The following TFDP2 variants were observed in gnomAD, a reference collection of about 807,000 sequenced individuals.
The protein encoded by TFDP2 is transcription factor Dp-2 (E2F dimerization partner 2).
Under a neutral mutation model 59.3 loss-of-function variants are expected in TFDP2, and 17 were observed. The observed-to-expected ratio is 0.29, with a 90% confidence interval of 0.20 to 0.43. TFDP2 has a LOEUF of 0.43. TFDP2 is among the 20% of genes least tolerant of loss of function. The pLI is 1.00. For synonymous variants in TFDP2, 180 were observed against 194.7 expected (o/e 0.92, Z 0.63); for missense variants, 391 against 528.8 (o/e 0.74, Z 2.56).
intron 1 of TFDP2, among the ~76,000 whole-genome samples, chr3:142,141,268 G>A (rs983251806): frequency 6.6e-6 from 1 of 152,224 alleles, no homozygotes; most frequent in Non-Finnish European, 1.5e-5. Flanking sequence ...TCCAGGTACA[G>A]TCTGTCACGG....
Position 142,093,045 on chromosome 3 carries a change from A to C in TFDP2, c.82+16T>G. Reference sequence around the variant, plus strand: ...AACTAACTTAATTCAGAAAAATTTTATTCAATAATCCTTACCTTTTGTTGG... The same window carrying C: ...AACTAACTTAATTCAGAAAAATTTTCTTCAATAATCCTTACCTTTTGTTGG... On this transcript the variant is annotated intron_variant, in intron 3 of 12. Transcript: ENST00000489671. 6.6e-7 allele frequency: 1 copy of C among 1,509,248 alleles called. No individual in the cohort carries two copies. Among genetic ancestry groups the C allele is most frequent in the Non-Finnish European group, 8.8e-7 (1 of 1,132,338 alleles). 93.5% of individuals were successfully genotyped at this position (1,509,248 alleles called of 1,614,324 possible).
chr3:142,125,393 T>C (rs576251424), intron 1 of TFDP2, among the ~76,000 whole-genome samples: 2 of 152,198 alleles, frequency 1.3e-5, no homozygotes, highest in Non-Finnish European at 2.9e-5. Flanking sequence ...TAAACAGGCA[T>C]AATCTTTTAT....
intron 3 of TFDP2, among the ~76,000 whole-genome samples, chr3:142,091,640 C>T (rs2060999799): frequency 1.3e-5 from 2 of 152,054 alleles, no homozygotes; most frequent in South Asian, 4.1e-4. Flanking sequence ...CTCTCTAGAA[C>T]AGTGGTCCCC....
intron 7 of TFDP2, 54 bp downstream of exon 7, chr3:141,978,466 A>G (rs532480688): frequency 1.3e-6 from 2 of 1,531,480 alleles, no homozygotes; most frequent in Admixed American, 3.9e-5. Context: ...CAAAGATAAC[A>G]CAAAGAAGTA....
intron 4 of TFDP2, 34 bp from the exon 5 acceptor site, chr3:141,995,175 T>C (rs1943150850): frequency 2.0e-6 from 3 of 1,498,648 alleles, no homozygotes; most frequent in East Asian, 4.8e-5. Context: ...ATAATATTCT[T>C]AATTATTAAG....
At chr3:142,112,984 A>G (rs1238757470) in intron 1 of TFDP2, among the ~76,000 whole-genome samples, 1 of 152,252 alleles carries the variant, frequency 6.6e-6, no homozygotes, top group Non-Finnish European at 1.5e-5. Flanking sequence ...AAGAAGCAAT[A>G]TTAGATGAGA....
chr3:142,032,043 T>C (rs991559765), intron 3 of TFDP2, among the ~76,000 whole-genome samples: 1 of 152,218 alleles, frequency 6.6e-6, no homozygotes, highest in African/African-American at 2.4e-5. Flanking sequence ...ATATTTCATA[T>C]TTCCTGTTTG....
chr3:141,965,030 C>T (rs1313534048), intron 9 of TFDP2, among the ~76,000 whole-genome samples: 1 of 152,154 alleles, frequency 6.6e-6, no homozygotes. Flanking sequence ...CCAGCCTGGG[C>T]AACAAGAGCA....
intron 1 of TFDP2, among the ~76,000 whole-genome samples, chr3:142,131,186 G>A (rs2062491434): frequency 6.7e-6 from 1 of 149,970 alleles, no homozygotes; most frequent in Non-Finnish European, 1.5e-5. Context: ...TGTATTTAGA[G>A]TAAGAATATT....
chr3:142,011,644 AC>A (rs372231959), intron 3 of TFDP2, among the ~76,000 whole-genome samples: 69 of 147,338 alleles, frequency 4.7e-4, no homozygotes, highest in Middle Eastern at 3.5e-3. Context: ...AAAAAAAAAA[AC>A]AACAAACTTT....
chr3:142,034,785 G>A (rs944016579), intron 3 of TFDP2, among the ~76,000 whole-genome samples: 1 of 150,038 alleles, frequency 6.7e-6, no homozygotes, highest in East Asian at 2.0e-4. Flanking sequence ...GCGCAATCTC[G>A]GCTCACTGAA....
intron 2 of TFDP2, among the ~76,000 whole-genome samples, chr3:142,099,809 G>GTT (rs1362379514): frequency 2.0e-5 from 3 of 152,004 alleles, no homozygotes; most frequent in Non-Finnish European, 4.4e-5. Flanking sequence ...CCACTTGGAA[G>GTT]TTTTTAGGTT....
At chr3:142,135,119 G>A (rs2062674558) in intron 1 of TFDP2, among the ~76,000 whole-genome samples, 2 of 151,958 alleles carry the variant, frequency 1.3e-5, no homozygotes, top group Admixed American at 1.3e-4. Flanking sequence ...TGAAGATATG[G>A]GGTCTTACTA....
At chr3:142,025,498 TGTAA>T (rs1269504978) in intron 3 of TFDP2, among the ~76,000 whole-genome samples, 1 of 152,206 alleles carries the variant, frequency 6.6e-6, no homozygotes, top group Non-Finnish European at 1.5e-5. Context: ...CATTTATAAT[TGTAA>T]GTGATACACA....
At chr3:142,134,281 A>T (rs2062633228) in intron 1 of TFDP2, among the ~76,000 whole-genome samples, 1 of 147,628 alleles carries the variant, frequency 6.8e-6, no homozygotes, top group South Asian at 2.2e-4. Context: ...CCCGAGAGGC[A>T]GAGGTTGCAG....
At chr3:141,989,200 T>C (rs1470397322) in intron 6 of TFDP2, 1 of 152,252 alleles carries the variant, frequency 6.6e-6, no homozygotes, top group East Asian at 1.9e-4. Context: ...TGTTCACGAA[T>C]GTTGGATTCA....
In TFDP2 at chr3:142,147,835, C is replaced by G. The variant is rs549342941; in HGVS notation, c.-93+1348G>C. ...TCTGGGGTCTAGGCATTTGATTTTTCTCCTGGTGCTGTCTGAGAATGGACA... is the reference window on the plus strand; with the variant it reads ...TCTGGGGTCTAGGCATTTGATTTTTGTCCTGGTGCTGTCTGAGAATGGACA... On this transcript the variant is annotated intron_variant, in intron 1 of 12. Coordinates refer to ENST00000489671, the MANE Select transcript of TFDP2 (RefSeq NM_001178139.2). 8.9e-4 allele frequency among the ~76,000 whole-genome samples: 135 copies of G among 152,256 alleles called. 2 individuals carry two copies. The South Asian group carries it at 0.027, about 31-fold the overall frequency.
At chr3:142,035,360 T>C (rs140630219) in intron 3 of TFDP2, among the ~76,000 whole-genome samples, 306 of 152,278 alleles carry the variant, frequency 2.0e-3, no homozygotes, top group African/African-American at 6.9e-3. Context: ...TATCTTTTTA[T>C]GGCTGTCTCA....
At position 142,083,707 on chromosome 3, in the gene TFDP2, A is replaced by G. The variant is rs189109793; in HGVS notation, c.82+9354T>C. ...AACCCAGAAATAAATCCATACACCT[A>G]GAGTGAACTCATTTTCCACAAAGGT... On this transcript the variant is annotated intron_variant, in intron 3 of 12. Coordinates refer to ENST00000489671, the MANE Select transcript of TFDP2 (RefSeq NM_001178139.2). Among the ~76,000 whole-genome samples, 527 of 152,354 alleles carry G rather than the reference A, an allele frequency of 3.5e-3. 4 individuals carry two copies. Among genetic ancestry groups the G allele is most frequent in the Non-Finnish European group, 6.1e-3 (418 of 68,026 alleles).
Sources: gnomAD v4.1 joint callset for allele counts (sites outside exome capture counted in the v4.1 genomes callset) on GRCh38, gnomAD v4.1.1 for gene constraint, MANE v1.5 for transcripts, NCBI Gene and HGNC (gene_info 2026-07-23, HGNC 2026-07-21) for gene names.